Variants in KPNA3 observed in about 807,000 individuals in gnomAD.
The protein encoded by KPNA3 is importin subunit alpha-4.
In KPNA3, 13 loss-of-function variants were observed where a neutral mutation model predicts 73.8. The observed-to-expected ratio is 0.18, with a 90% CI of 0.11 to 0.28. The LOEUF (loss-of-function observed/expected upper bound fraction) is 0.28. Among genes scored for constraint, KPNA3 ranks in the 10% least tolerant of loss-of-function variants. The pLI, the probability that KPNA3 is intolerant of heterozygous loss-of-function variation, is 1.00. For synonymous variants in KPNA3, 186 were observed against 206.9 expected, an observed-to-expected ratio of 0.90 and a Z score of 0.87; for missense variants, 360 against 618.1, an observed-to-expected ratio of 0.58 and a Z score of 4.43.
chr13:49,764,125 T>C (rs1954790964), intron 1 of KPNA3, among the ~76,000 whole-genome samples: 1 of 48,408 alleles, frequency 2.1e-5, no homozygotes, highest in African/African-American at 5.4e-5. Flanking sequence ...TGGGTTTGTT[T>C]TGTTTTGTTT....
intron 2 of KPNA3, among the ~76,000 whole-genome samples, chr13:49,736,924 G>A (rs1020212466): frequency 5.3e-5 from 8 of 152,034 alleles, no homozygotes; most frequent in Admixed American, 5.2e-4. Context: ...AAATGGGATC[G>A]TATGGTATAT....
chr13:49,738,967 G>C (rs760576892), intron 2 of KPNA3, among the ~76,000 whole-genome samples: 1 of 152,140 alleles, frequency 6.6e-6, no homozygotes, highest in Non-Finnish European at 1.5e-5. Context: ...TTAGCTGTGA[G>C]GTTTTTGTGG....
chr13:49,765,119 A>G (rs890209712), intron 1 of KPNA3, among the ~76,000 whole-genome samples: 12 of 152,232 alleles, frequency 7.9e-5, no homozygotes, highest in Non-Finnish European at 1.5e-4. Flanking sequence ...TTTCTAGGTT[A>G]TCATATATAT....
chr13:49,725,358 T>C, intron 7 of KPNA3, 58 bp downstream of exon 7: 1 of 923,706 alleles, frequency 1.1e-6, no homozygotes, highest in Non-Finnish European at 1.6e-6. Flanking sequence ...ATTACAAAAC[T>C]CTACTTCCTT....
chr13:49,721,590 CG>C (rs1251511106), intron 9 of KPNA3, among the ~76,000 whole-genome samples: 1 of 152,090 alleles, frequency 6.6e-6, no homozygotes, highest in African/African-American at 2.4e-5. Flanking sequence ...GAGGCCGAGG[CG>C]GGCAGATCAC....
chr13:49,732,433 A>G lies in KPNA3; in HGVS notation c.321T>C (p.Ile107=). ...KLLSSDRNPP[I]DDLIKSGILP... The stretch of plus-strand genomic sequence containing the variant: ...AAATCCCAGATTTTATTAAGTCATC[A>G]ATCGGTGGATTTCTGTCACTGGATA... The change falls in exon 6 of 17, where the codon ATT becomes ATC. Residue 107 remains isoleucine (I), a synonymous_variant. Coordinates refer to ENST00000261667, the MANE Select transcript of KPNA3 (RefSeq NM_002267.4). The G allele has an allele frequency of 6.3e-7, 1 of 1,599,504 alleles. No homozygotes were observed. The highest frequency in any genetic ancestry group is 1.1e-5 in the South Asian group (1 of 88,984).
intron 1 of KPNA3, among the ~76,000 whole-genome samples, chr13:49,767,289 C>T (rs1238882070): frequency 6.6e-6 from 1 of 151,372 alleles, no homozygotes; most frequent in African/African-American, 2.4e-5. Context: ...TGGTGGCAGG[C>T]GCCTGTAGTC....
At chr13:49,715,943 G>A (rs892939414) in intron 10 of KPNA3, among the ~76,000 whole-genome samples, 1 of 152,184 alleles carries the variant, frequency 6.6e-6, no homozygotes, top group African/African-American at 2.4e-5. Context: ...AGAATCCTGT[G>A]CAAAACAACA....
chr13:49,734,051 C>G (rs1367986195), intron 2 of KPNA3, among the ~76,000 whole-genome samples: 1 of 152,202 alleles, frequency 6.6e-6, no homozygotes, highest in African/African-American at 2.4e-5. Flanking sequence ...AAGCAAAAAA[C>G]TAGATGATGC....
intron 10 of KPNA3, among the ~76,000 whole-genome samples, chr13:49,711,692 G>A (rs1295983994): frequency 2.6e-5 from 4 of 152,218 alleles, no homozygotes; most frequent in African/African-American, 9.6e-5. Flanking sequence ...TCTTGTATGT[G>A]GCATTGCTTG....
In KPNA3 at chr13:49,700,406, A is replaced by G. The variant is rs553462331; in HGVS notation, c.*1394T>C. On this transcript the variant is annotated 3_prime_UTR_variant, in exon 17 of 17. Transcript: ENST00000261667. ...ACAATACCATTTCTGTGACAGCACAAATTATTTAGTTTAAAAATTTTTAAA... is the reference window on the plus strand; with the variant it reads ...ACAATACCATTTCTGTGACAGCACAGATTATTTAGTTTAAAAATTTTTAAA... The G allele has an allele frequency of 6.5e-6, 1 of 152,788 alleles. No homozygotes were observed. Among genetic ancestry groups the G allele is most frequent in the South Asian group, 2.1e-4 (1 of 4,832 alleles). 9.5% of individuals were successfully genotyped at this position (152,788 alleles called of 1,614,324 possible).
intron 6 of KPNA3, among the ~76,000 whole-genome samples, chr13:49,729,252 A>T (rs913881928): frequency 1.3e-5 from 2 of 152,220 alleles, no homozygotes; most frequent in African/African-American, 4.8e-5. Context: ...GGCAGGGAAG[A>T]AGTAAAAAAA....
chr13:49,758,278 C>T lies in KPNA3; in HGVS notation c.70-11285G>A, dbSNP rs1049496025. ...ACTTTAAAACCATGAAAATAAACTGCGTATGAATATGACAAAATCAAATTT... is the reference window on the plus strand; with the variant it reads ...ACTTTAAAACCATGAAAATAAACTGTGTATGAATATGACAAAATCAAATTT... On this transcript the variant is annotated intron_variant, in intron 1 of 16. Transcript: ENST00000261667. 5.3e-5 allele frequency among the ~76,000 whole-genome samples: 8 copies of T among 152,064 alleles called. No individual in the cohort carries two copies. In the South Asian group the frequency reaches 6.2e-4, roughly 12 times the overall value.
At chr13:49,744,491 C>T (rs9596189) in intron 2 of KPNA3, among the ~76,000 whole-genome samples, 18,156 of 152,136 alleles carry the variant, frequency 0.12, 2,177 homozygotes, top group East Asian at 0.58. Context: ...ATAATTCTAT[C>T]ATTAGTTGTT....
Position 49,733,001 on chromosome 13 carries a change from C to G in KPNA3, c.160G>C (p.Glu54Gln). 1 of 1,611,896 alleles carries G rather than the reference C, an allele frequency of 6.2e-7. No homozygotes were observed. Among genetic ancestry groups the G allele is most frequent in the Non-Finnish European group, 8.5e-7 (1 of 1,178,422 alleles). ...HLLKKRNVPQ[E>Q]ESLEDSDVDA... The stretch of plus-strand genomic sequence containing the variant: ...ACATCTGAATCTTCTAGACTTTCTT[C>G]TTGGGGAACATTTCTCTTTTTCAAT... Residue 54 changes from glutamate (E) to glutamine (Q), a missense_variant, in exon 3 of 17, where the codon GAA (glutamate) becomes CAA (glutamine). Glu to Gln is a conservative substitution (Grantham distance 29). Transcript: ENST00000261667.
rs970701777 is a variant in KPNA3 at position 49,721,760 on chromosome 13, C to T, written c.726+195G>A. On this transcript the variant is annotated intron_variant, in intron 9 of 16. Coordinates refer to ENST00000261667, the MANE Select transcript of KPNA3 (RefSeq NM_002267.4). ...GCGTGAACCCAGGAAGTGGAGCTTG[C>T]CGTGAGCCAAGATCGCGCCACTGCA... is the stretch of plus-strand genomic sequence containing the variant. 2.0e-5 allele frequency among the ~76,000 whole-genome samples: 3 copies of T among 152,154 alleles called. No homozygotes were observed. In the East Asian group the frequency reaches 5.8e-4, roughly 29 times the overall value.
chr13:49,727,208 G>C (rs1954417790), intron 6 of KPNA3, among the ~76,000 whole-genome samples: 1 of 152,088 alleles, frequency 6.6e-6, no homozygotes, highest in Non-Finnish European at 1.5e-5. Flanking sequence ...AGCACTTTGG[G>C]AGGCCAAGGC....
chr13:49,787,224 G>A (rs936663502), intron 1 of KPNA3, among the ~76,000 whole-genome samples: 15 of 152,234 alleles, frequency 9.9e-5, no homozygotes, highest in Admixed American at 2.0e-4. Flanking sequence ...CCAAAGATAC[G>A]GATTATCATT....
intron 1 of KPNA3, among the ~76,000 whole-genome samples, chr13:49,749,854 A>T (rs895329880): frequency 1.3e-5 from 2 of 152,234 alleles, no homozygotes; most frequent in Admixed American, 1.3e-4. Flanking sequence ...TCAGTTAAGA[A>T]GAGGAGGTAC....
Sources: gnomAD v4.1 joint callset for allele counts (sites outside exome capture counted in the v4.1 genomes callset) on GRCh38, gnomAD v4.1.1 for gene constraint, MANE v1.5 for transcripts, NCBI Gene and HGNC (gene_info 2026-07-23, HGNC 2026-07-21) for gene names.